Variants in RGS3 observed in about 807,000 individuals in gnomAD.
The protein encoded by RGS3 is regulator of G protein signaling 3.
A neutral mutation model predicts 132.6 loss-of-function variants in RGS3; 80 were observed. The observed-to-expected ratio is 0.60, with a 90% CI of 0.50 to 0.73. The LOEUF (loss-of-function observed/expected upper bound fraction) is 0.73. RGS3 is among the 30% of genes least tolerant of loss of function. RGS3 has a pLI of 0.00. For missense variants in RGS3, 1,382 were observed against 1,530.8 expected (o/e 0.90, Z 1.62); for synonymous variants, 598 against 620.6 (o/e 0.96, Z 0.54).
intron 14 of RGS3, among the ~76,000 whole-genome samples, chr9:113,513,212 A>C (rs1162459856): frequency 6.6e-6 from 1 of 152,146 alleles, no homozygotes; most frequent in Non-Finnish European, 1.5e-5. Context: ...ACAAACAAAA[A>C]AACAACAACA....
intron 7 of RGS3, among the ~76,000 whole-genome samples, chr9:113,490,152 G>T (rs1444367052): frequency 6.6e-6 from 1 of 152,194 alleles, no homozygotes; most frequent in Non-Finnish European, 1.5e-5. Context: ...TCTGTAAAAT[G>T]CAGTGATCAC....
intron 7 of RGS3, among the ~76,000 whole-genome samples, chr9:113,495,195 A>G (rs1012292117): frequency 6.6e-6 from 1 of 152,086 alleles, no homozygotes; most frequent in Non-Finnish European, 1.5e-5. Flanking sequence ...TTTAACCAAG[A>G]AGATTGAATT....
Position 113,591,281 on chromosome 9 carries a change from G to A in RGS3, c.3016-52G>A. 2 of 1,535,482 alleles carry A rather than the reference G, an allele frequency of 1.3e-6. No homozygotes were observed. The highest frequency in any genetic ancestry group is 1.8e-6 in the Non-Finnish European group (2 of 1,110,832). On this transcript the variant is annotated intron_variant, in intron 20 of 24. Coordinates refer to ENST00000350696, the Ensembl canonical transcript of RGS3. The surrounding 1 kb of genome is among the most constrained non-coding windows in gnomAD (Gnocchi z 4.4). ...GGGTCTCTGAGCCTCTGTTTACTTA[G>A]GCAGGAGTTCCTGGGTGCCCAGACT...
At chr9:113,455,259 G>A (rs959074456), upstream of RGS3, among the ~76,000 whole-genome samples, 2 of 152,200 alleles carry the variant, frequency 1.3e-5, no homozygotes, top group African/African-American at 4.8e-5. Flanking sequence ...TGTTTCAGGT[G>A]AAGGGAAAAT....
In RGS3 at chr9:113,591,729, C is replaced by T; in HGVS notation, c.3080+332C>T. 2 of 292,382 alleles carry T rather than the reference C, an allele frequency of 6.8e-6. No homozygotes were observed. Among genetic ancestry groups the T allele is most frequent in the Non-Finnish European group, 1.4e-5 (2 of 146,368 alleles). 18.1% of individuals were successfully genotyped at this position (292,382 alleles called of 1,614,324 possible). On this transcript the variant is annotated intron_variant, in intron 21 of 24. Coordinates refer to ENST00000350696, the Ensembl canonical transcript of RGS3. This position sits in a 1 kb window ranked among gnomAD's most constrained non-coding sequence, Gnocchi z 4.4. ...AGTGACTTCAACAACTCCTTTGCTC[C>T]CTCTGGGCCCAAGAGTGACCTGAGA...
intron 21 of RGS3, 86 bp from the exon 20 acceptor site, chr9:113,594,344 T>C (rs766713947): frequency 1.3e-6 from 2 of 1,593,550 alleles, no homozygotes; most frequent in East Asian, 2.2e-5. Flanking sequence ...AAGGAGTAGG[T>C]GCCCTCGACC....
chr9:113,586,657 CT>C (rs959278399), intron 20 of RGS3, among the ~76,000 whole-genome samples: 2 of 152,220 alleles, frequency 1.3e-5, no homozygotes, highest in Non-Finnish European at 2.9e-5. Context: ...TTCCTGAGCC[CT>C]TTGCCATTCA....
At chr9:113,452,580 C>G (rs2119144129) in intron 1 of RGS3, among the ~76,000 whole-genome samples, 1 of 152,004 alleles carries the variant, frequency 6.6e-6, no homozygotes, top group East Asian at 1.9e-4. Context: ...TGGAAAAAGC[C>G]CAACCACTAT....
intron 16 of RGS3, 116 bp from the exon 15 acceptor site, chr9:113,522,814 G>T (rs149177388): frequency 2.7e-6 from 2 of 752,486 alleles, no homozygotes; most frequent in Admixed American, 3.5e-5. Context: ...TGTGTGAGAT[G>T]ATGAGGATGC....
chr9:113,593,061 C>T (rs562196105), intron 21 of RGS3: 18 of 152,310 alleles, frequency 1.2e-4, no homozygotes, highest in African/African-American at 4.3e-4. Flanking sequence ...GGCCTGCTGG[C>T]TTCTGTTTGA....
chr9:113,447,500 G>T (rs1163396968), intron 1 of RGS3, among the ~76,000 whole-genome samples: 1 of 150,142 alleles, frequency 6.7e-6, no homozygotes, highest in Non-Finnish European at 1.5e-5. Context: ...TTTTTTGGGG[G>T]TCTATATTAC....
chr9:113,476,014 T>A (rs1012404160), intron 3 of RGS3, among the ~76,000 whole-genome samples: 1 of 150,686 alleles, frequency 6.6e-6, no homozygotes, highest in Admixed American at 6.6e-5. Context: ...CATGGTTCAC[T>A]GTGGGCTCAA....
intron 3 of RGS3, among the ~76,000 whole-genome samples, chr9:113,475,571 AT>A (rs1333218775): frequency 1.3e-5 from 2 of 151,952 alleles, no homozygotes; most frequent in Non-Finnish European, 2.9e-5. Context: ...GTGCCCGGCT[AT>A]TTTTTTAATT....
exon 17 of RGS3, chr9:113,522,940 T>G: frequency 1.2e-6 from 2 of 1,612,706 alleles, no homozygotes; most frequent in African/African-American, 1.3e-5. Context: ...GTGACACTGT[T>G]TGCCTATTCG....
intron 19 of RGS3, chr9:113,580,896 G>T (rs920885346): frequency 2.0e-6 from 2 of 985,534 alleles, no homozygotes; most frequent in Non-Finnish European, 2.4e-6. Context: ...ACCCAGGAAA[G>T]GGGAAATGCG....
chr9:113,491,759 G>C (rs1830529925), intron 7 of RGS3, among the ~76,000 whole-genome samples: 1 of 152,054 alleles, frequency 6.6e-6, no homozygotes, highest in African/African-American at 2.4e-5. Context: ...TCACCATGTT[G>C]GCCAGACTGA....
rs1042130028 is a variant in RGS3 at position 113,579,626 on chromosome 9, T to C, written c.2038-3824T>C. ...GCTGGATTCTTGTTACTTCAGCTGT[T>C]GCAACAGCTGTCTCACTGGGTCCCC... is the stretch of plus-strand genomic sequence containing the variant. On this transcript the variant is annotated intron_variant, in intron 19 of 24. Coordinates refer to ENST00000350696, the Ensembl canonical transcript of RGS3. The surrounding 1 kb of genome is among the most constrained non-coding windows in gnomAD (Gnocchi z 4.3). 3.9e-5 allele frequency among the ~76,000 whole-genome samples: 6 copies of C among 152,184 alleles called. No individual in the cohort carries two copies. The highest frequency in any genetic ancestry group is 1.4e-4 in the African/African-American group (6 of 41,446).
At chr9:113,496,270 A>C (rs1830680607) in intron 8 of RGS3, among the ~76,000 whole-genome samples, 1 of 152,146 alleles carries the variant, frequency 6.6e-6, no homozygotes, top group Admixed American at 6.5e-5. Context: ...TCAAGGATGG[A>C]GTGAGCAGCA....
chr9:113,511,423 T>A (rs1301232518), intron 14 of RGS3, among the ~76,000 whole-genome samples: 1 of 152,010 alleles, frequency 6.6e-6, no homozygotes, highest in Non-Finnish European at 1.5e-5. Flanking sequence ...AAAATCAGTT[T>A]TACAGAGCCA....
Sources: allele counts gnomAD v4.1 joint callset (sites outside exome capture counted in the v4.1 genomes callset), GRCh38; gene constraint gnomAD v4.1.1; non-coding constraint Gnocchi (gnomAD v3.1); transcripts MANE v1.5; gene names NCBI Gene and HGNC (gene_info 2026-07-23, HGNC 2026-07-21).